RPS6KC1: variants seen among roughly 807,000 people sequenced by gnomAD.
RPS6KC1 encodes inactive ribosomal protein S6 kinase delta-1.
In RPS6KC1, 54 loss-of-function variants were observed where a neutral mutation model predicts 103.8. That is an observed-to-expected ratio of 0.52 (90% CI 0.42 to 0.65). The LOEUF (loss-of-function observed/expected upper bound fraction) is 0.65. Ranked by LOEUF, RPS6KC1 falls within the 30% of genes least tolerant of loss-of-function variation. The pLI is 0.00. For missense variants in RPS6KC1, 1,151 were observed against 1,253.8 expected (o/e 0.92, Z 1.24); for synonymous variants, 439 against 438.7 (o/e 1.00, Z -0.01).
chr1:213,434,542 G>T, the RPS6KC1 span, among the ~76,000 whole-genome samples: 5 of 151,964 alleles, frequency 3.3e-5, no homozygotes, highest in African/African-American at 1.2e-4. Flanking sequence ...TACAACCTCC[G>T]CCTCCTGGGT....
intron 10 of RPS6KC1, among the ~76,000 whole-genome samples, chr1:213,232,603 A>T (rs570927182): frequency 3.3e-5 from 5 of 152,220 alleles, no homozygotes; most frequent in Non-Finnish European, 7.3e-5. Context: ...AGGATACATT[A>T]TGTTAGATGA....
the RPS6KC1 span, among the ~76,000 whole-genome samples, chr1:213,846,172 T>C: frequency 4.7e-5 from 7 of 149,936 alleles, no homozygotes; most frequent in Admixed American, 4.7e-4. Context: ...TGGTGGCACT[T>C]GCCTGTAGTC....
At chr1:213,745,355 T>C in the RPS6KC1 span, among the ~76,000 whole-genome samples, 2 of 149,602 alleles carry the variant, frequency 1.3e-5, no homozygotes, top group Admixed American at 1.3e-4. Flanking sequence ...TGGTTTCCTC[T>C]GGGGGCTGTT....
intron 3 of RPS6KC1, among the ~76,000 whole-genome samples, chr1:213,098,008 T>C (rs2081622633): frequency 6.6e-6 from 1 of 152,248 alleles, no homozygotes; most frequent in Non-Finnish European, 1.5e-5. Context: ...CACTTTCTTA[T>C]CATTCATGTG....
intron 12 of RPS6KC1, among the ~76,000 whole-genome samples, chr1:213,255,739 G>T (rs942503272): frequency 2.6e-5 from 4 of 152,136 alleles, no homozygotes; most frequent in Non-Finnish European, 4.4e-5. Context: ...ATAATTGAAA[G>T]AATTTTTTTT....
At chr1:213,842,613 G>A in the RPS6KC1 span, among the ~76,000 whole-genome samples, 3 of 152,142 alleles carry the variant, frequency 2.0e-5, no homozygotes, top group Non-Finnish European at 1.5e-5. Flanking sequence ...TCTACTAATA[G>A]CCCCACAACA....
At chr1:213,413,004 A>G in the RPS6KC1 span, among the ~76,000 whole-genome samples, 4 of 152,328 alleles carry the variant, frequency 2.6e-5, no homozygotes, top group South Asian at 8.3e-4. Flanking sequence ...AAGATCCTTG[A>G]GGATCTTAAA....
the RPS6KC1 span, among the ~76,000 whole-genome samples, chr1:213,476,555 A>G: frequency 2.3e-4 from 35 of 152,168 alleles, no homozygotes; most frequent in African/African-American, 8.4e-4. Context: ...GGGAGGGTGA[A>G]GACCTAGCCT....
At chr1:213,236,201 T>C (rs1168862432) in intron 10 of RPS6KC1, among the ~76,000 whole-genome samples, 1 of 152,086 alleles carries the variant, frequency 6.6e-6, no homozygotes, top group East Asian at 1.9e-4. Flanking sequence ...CACACCCCTG[T>C]CCCCATCCAC....
chr1:213,698,222 G>A, the RPS6KC1 span, among the ~76,000 whole-genome samples: 4 of 152,116 alleles, frequency 2.6e-5, no homozygotes, highest in Non-Finnish European at 5.9e-5. Context: ...AATTATATTG[G>A]TAAACGTATT....
intron 8 of RPS6KC1, among the ~76,000 whole-genome samples, chr1:213,212,228 G>C (rs1338030662): frequency 6.6e-6 from 1 of 151,804 alleles, no homozygotes; most frequent in Non-Finnish European, 1.5e-5. Flanking sequence ...TCTGTGCTCT[G>C]CCTGTTCATT....
At chr1:213,433,105 A>G in the RPS6KC1 span, among the ~76,000 whole-genome samples, 1 of 152,112 alleles carries the variant, frequency 6.6e-6, no homozygotes, top group Non-Finnish European at 1.5e-5. Context: ...CTTTCTAGAA[A>G]CCCTAGAGGA....
the RPS6KC1 span, among the ~76,000 whole-genome samples, chr1:213,596,682 A>G: frequency 4.6e-5 from 7 of 152,372 alleles, no homozygotes; most frequent in East Asian, 1.2e-3. Flanking sequence ...ACAGCTGGTC[A>G]TAAAACTTTA....
At chr1:213,378,736 T>A in the RPS6KC1 span, among the ~76,000 whole-genome samples, 4 of 152,206 alleles carry the variant, frequency 2.6e-5, no homozygotes, top group Non-Finnish European at 5.9e-5. Flanking sequence ...CCTTTAGAGC[T>A]GAGAAGAAGT....
At chr1:213,199,706 C>T (rs1189501111) in intron 8 of RPS6KC1, among the ~76,000 whole-genome samples, 2 of 152,010 alleles carry the variant, frequency 1.3e-5, no homozygotes, top group Non-Finnish European at 1.5e-5. Flanking sequence ...TCAAATTATC[C>T]CTGTTTGCAC....
At chr1:213,709,633 C>T in the RPS6KC1 span, among the ~76,000 whole-genome samples, 4 of 152,034 alleles carry the variant, frequency 2.6e-5, no homozygotes, top group African/African-American at 7.2e-5. Flanking sequence ...TTAGATCTTT[C>T]CCACTTCCTC....
chr1:213,096,669 A>T (rs2081485343), intron 3 of RPS6KC1, among the ~76,000 whole-genome samples: 1 of 145,924 alleles, frequency 6.9e-6, no homozygotes, highest in Non-Finnish European at 1.5e-5. Flanking sequence ...TGTATCAAAG[A>T]AAAAAAAAAA....
the RPS6KC1 span, among the ~76,000 whole-genome samples, chr1:213,562,429 G>T: frequency 1.7e-5 from 2 of 116,542 alleles, no homozygotes; most frequent in African/African-American, 6.7e-5. Flanking sequence ...TTGCTCTGTC[G>T]CTCAGGCTGG....
the RPS6KC1 span, among the ~76,000 whole-genome samples, chr1:213,798,302 G>A: frequency 6.6e-5 from 10 of 152,184 alleles, no homozygotes; most frequent in South Asian, 4.1e-4. Flanking sequence ...AAGTGAAGTC[G>A]CATGACACCC....
Sources: allele counts gnomAD v4.1 joint callset (sites outside exome capture counted in the v4.1 genomes callset), GRCh38; gene constraint gnomAD v4.1.1; transcripts MANE v1.5; gene names NCBI Gene and HGNC (gene_info 2026-07-23, HGNC 2026-07-21).